The following CTC1 variants were observed in gnomAD, a reference collection of about 807,000 sequenced individuals.
CTC1 encodes the protein CST telomere replication complex component 1.
Under a neutral mutation model 136.3 loss-of-function variants are expected in CTC1, and 91 were observed. The observed-to-expected ratio is 0.67, with a 90% CI of 0.56 to 0.79. The LOEUF (loss-of-function observed/expected upper bound fraction) is 0.79. Ranked by LOEUF, CTC1 falls within the 30% of genes least tolerant of loss-of-function variation. The probability of loss-of-function intolerance (pLI) is 0.00; values close to 1 mark genes in which losing one functional copy is unlikely to be tolerated. For synonymous variants in CTC1, 606 were observed against 613.8 expected, an observed-to-expected ratio of 0.99 and a Z score of 0.19; for missense variants, 1,432 against 1,498.1, an observed-to-expected ratio of 0.96 and a Z score of 0.73.
rs903009495 is a variant in CTC1, at chr17:8,237,404, C to A, written c.763G>T (p.Ala255Ser). Residue 255 changes from alanine to serine, a missense_variant, in exon 5 of 23, where the codon GCT (alanine) becomes TCT (serine). By Grantham distance (99) the Ala-to-Ser change is moderately conservative. Transcript: ENST00000651323. ...ACGATGATGGACACGTGGGTGACAG[C>A]TGGGTGTGATCTACCAAGAGACAGG... ...FILSLGRSHP[A>S]VTHVSIIVQV... is the part of the protein sequence containing the mutation. 6.2e-7 allele frequency: 1 copy of A among 1,613,968 alleles called. No homozygotes were observed. The highest frequency in any genetic ancestry group is 2.2e-5 in the East Asian group (1 of 44,890).
intron 3 of CTC1, 60 bp from the exon 4 acceptor site, chr17:8,238,302 C>CCG (rs753789004): frequency 3.5e-5 from 55 of 1,560,588 alleles, no homozygotes; most frequent in Non-Finnish European, 4.3e-5. Context: ...ACCCACCTCC[C>CCG]CGTTTGTTTC....
rs1987824590 is a variant in CTC1 at position 8,237,422 on chromosome 17, G to C, written c.745C>G (p.Leu249Val). 1.9e-6 allele frequency: 3 copies of C among 1,614,016 alleles called. No individual in the cohort carries two copies. The highest frequency in any genetic ancestry group is 2.5e-6 in the Non-Finnish European group (3 of 1,180,004). Reference sequence around the variant, plus strand: ...GTGACAGCTGGGTGTGATCTACCAAGAGACAGGATGAAGTAAGCTTTCTGT... The same window carrying C: ...GTGACAGCTGGGTGTGATCTACCAACAGACAGGATGAAGTAAGCTTTCTGT... ...SKQKAYFILS[L>V]GRSHPAVTHV... Residue 249 changes from leucine (L) to valine (V), a missense_variant, in exon 5 of 23, where the codon CTT (leucine) becomes GTT (valine). By Grantham distance (32) the Leu-to-Val change is conservative (BLOSUM62 1). Transcript: ENST00000651323.
In CTC1 at chr17:8,234,413, C is replaced by T. The variant is rs755059629; in HGVS notation, c.1818+42G>A. ...ACTAGAGTCGTGGCAATAAGGATGA[C>T]AAAAAGGGAAATCACCTGAGCCCTG... On this transcript the variant is annotated intron_variant, in intron 10 of 22. Transcript: ENST00000651323. The T allele has an allele frequency of 3.9e-6, 6 of 1,533,682 alleles. No homozygotes were observed. In the South Asian group the frequency reaches 4.8e-5, roughly 12 times the overall value.
rs1987589226 is a variant in CTC1, at chr17:8,235,092, T to C, written c.1400A>G (p.Tyr467Cys). 3.7e-6 allele frequency: 6 copies of C among 1,614,076 alleles called. No homozygotes were observed. The East Asian group carries it at 1.3e-4, about 36-fold the overall frequency. ...VWERQLGLPL[Y>C]LWATKALEEL... ...CTCCAGGGCCTTGGTAGCCCACAGG[T>C]AGAGGGGAAGTCCTAACTGACGTTC... The change falls in exon 8 of 23, where the codon TAC becomes TGC. Residue 467 changes from tyrosine to cysteine, a missense_variant. Transcript: ENST00000651323.
intron 10 of CTC1, among the ~76,000 whole-genome samples, chr17:8,234,119 C>T (rs1365866184): frequency 1.3e-5 from 2 of 152,102 alleles, no homozygotes; most frequent in Non-Finnish European, 1.5e-5. Context: ...GTAGCTGGGA[C>T]CATAGGCACA....
chr17:8,232,260 T>C lies in CTC1; in HGVS notation c.2061-33A>G, dbSNP rs756384532. ...GAGAGACAAGGAATACATTTCTTAG[T>C]GATGCAGGCATTGGGTATTTTGGTC... On this transcript the variant is annotated intron_variant, in intron 12 of 22. Coordinates refer to ENST00000651323, the MANE Select transcript of CTC1 (RefSeq NM_025099.6). The C allele has an allele frequency of 2.6e-6, 4 of 1,541,910 alleles. No homozygotes were observed. In the South Asian group the frequency reaches 3.8e-5, roughly 15 times the overall value.
chr17:8,242,867 T>G (rs2151545448), intron 2 of CTC1, 118 bp downstream of exon 2: 1 of 851,806 alleles, frequency 1.2e-6, no homozygotes, highest in East Asian at 2.9e-5. Flanking sequence ...ATGTTTAGAC[T>G]ACCTTGTCCT....
chr17:8,228,768 T>C lies in CTC1; in HGVS notation c.3346A>G (p.Arg1116Gly). The C allele has an allele frequency of 6.2e-7, 1 of 1,614,158 alleles. No homozygotes were observed. The highest frequency in any genetic ancestry group is 1.1e-5 in the South Asian group (1 of 91,084). ...SLLDFVQVPG[R>G]VVLQFAGPGA... ...GGCCCTGCAAACTGCAAGACCACTC[T>C]GCCTGGCACTTGGACGAAATCTAGG... is the stretch of plus-strand genomic sequence containing the variant. The change falls in exon 21 of 23, where the codon AGA (arginine) becomes GGA (glycine). Residue 1116 changes from arginine to glycine, a missense_variant. Physicochemically the swap from Arg to Gly is moderately radical, Grantham distance 125. Transcript: ENST00000651323.
In CTC1 at chr17:8,229,407, C is replaced by G; in HGVS notation, c.3051G>C (p.Gln1017His). ...TGGCCTGGAATGGGGACTGACCACC[C>G]TGCAGAAGTTCAGCCAGGTAGATGT... ...LPHIYLAELL[Q>H]GGQSPFQATA... The change falls in exon 19 of 23, where the codon CAG becomes CAC. Residue 1017 changes from glutamine to histidine, a missense_variant. Coordinates refer to ENST00000651323, the MANE Select transcript of CTC1 (RefSeq NM_025099.6). 6.2e-7 allele frequency: 1 copy of G among 1,613,950 alleles called. No homozygotes were observed. Among genetic ancestry groups the G allele is most frequent in the Non-Finnish European group, 8.5e-7 (1 of 1,179,846 alleles).
At position 8,226,045 on chromosome 17, in the gene CTC1, T is replaced by C. The variant is rs1056714829; in HGVS notation, c.*2135A>G. 9 of 152,152 alleles carry C rather than the reference T, an allele frequency of 5.9e-5. No individual in the cohort carries two copies. The highest frequency in any genetic ancestry group is 2.2e-4 in the African/African-American group (9 of 41,416). The allele number at this position is 152,152 out of a possible 1,614,324, so 9.4% of individuals were successfully genotyped here. A position where few individuals can be genotyped will look rare whatever the true frequency, so the allele number is the denominator to read the frequency against. On this transcript the variant is annotated 3_prime_UTR_variant, in exon 23 of 23. Transcript: ENST00000651323. ...GTTAAGCAAAGGACCCTTAGGCCTA[T>C]GCAACATTTCTGCCCCTAAGTTAGA...
chr17:8,230,182 T>C (rs538733060), intron 17 of CTC1, 112 bp downstream of exon 17: 8 of 1,178,874 alleles, frequency 6.8e-6, no homozygotes, highest in African/African-American at 4.6e-5. Context: ...GACTGATATA[T>C]GGAAACCTGT....
rs1987713996 is a variant in CTC1 at position 8,236,237 on chromosome 17, T to G, written c.898A>C (p.Met300Leu). ...AACAGACGGGAGGACTGACTGGTCA[T>G]CCAAACATGCTGGCGCTGACCACGG... is the stretch of plus-strand genomic sequence containing the variant. Reference protein sequence around the residue: ...KIRGQRQHVWMTSQSSRLLLL... With the variant: ...KIRGQRQHVWLTSQSSRLLLL... Residue 300 changes from methionine (M) to leucine (L), a missense_variant, in exon 6 of 23, where the codon ATG becomes CTG. Coordinates refer to ENST00000651323, the MANE Select transcript of CTC1 (RefSeq NM_025099.6). 20 of 1,614,160 alleles carry G rather than the reference T, an allele frequency of 1.2e-5. No individual in the cohort carries two copies. Among genetic ancestry groups the G allele is most frequent in the Non-Finnish European group, 1.7e-5 (20 of 1,180,024 alleles).
chr17:8,230,472 T>G lies in CTC1; in HGVS notation c.2759-4A>C, dbSNP rs374727205. ...CTTCTCATGGCCCCCGTGTTCCCTA[T>G]AGAAGGAAGGTGGGTGTTAGTAGGA... On this transcript the variant is annotated splice_polypyrimidine_tract_variant and splice_region_variant and intron_variant, in intron 16 of 22. Transcript: ENST00000651323. The G allele has an allele frequency of 6.8e-6, 11 of 1,613,690 alleles. No individual in the cohort carries two copies. The African/African-American group carries it at 1.2e-4, about 18-fold the overall frequency.
chr17:8,234,137 G>A (rs975012447), intron 10 of CTC1, among the ~76,000 whole-genome samples: 3 of 152,070 alleles, frequency 2.0e-5, no homozygotes, highest in East Asian at 1.9e-4. Context: ...ACATGCCACC[G>A]CACCTAATTA....
rs761189766 is a variant in CTC1, at chr17:8,238,632, G to A, written c.198-3C>T. Reference sequence around the variant, plus strand: ...TGAGGTCCTGTACTGAGACGAAGCTGTAGAGTGAAGGGAACAGAGGTCCTG... The same window carrying A: ...TGAGGTCCTGTACTGAGACGAAGCTATAGAGTGAAGGGAACAGAGGTCCTG... On this transcript the variant is annotated splice_polypyrimidine_tract_variant and splice_region_variant and intron_variant, in intron 2 of 22. Transcript: ENST00000651323. 63 of 1,585,254 alleles carry A rather than the reference G, an allele frequency of 4.0e-5. No homozygotes were observed. Among genetic ancestry groups the A allele is most frequent in the Admixed American group, 3.5e-5 (2 of 57,326 alleles).
chr17:8,246,863 G>A (rs555929425), intron 1 of CTC1, among the ~76,000 whole-genome samples: 116 of 151,762 alleles, frequency 7.6e-4, no homozygotes, highest in African/African-American at 2.6e-3. Context: ...CCGAGATCGC[G>A]TCACTGCACT....
In CTC1 at chr17:8,230,618, C is replaced by A; in HGVS notation, c.2703G>T (p.Glu901Asp). The A allele has an allele frequency of 6.2e-7, 1 of 1,614,188 alleles. No homozygotes were observed. The highest frequency in any genetic ancestry group is 1.3e-5 in the African/African-American group (1 of 75,032). ...GTTCACATAGTGTCCGTGACAAAAT[C>A]TCAGCGGAGAAAGACACCAAGGAAT... ...FTDSLVSFSAEILSRTLCEPL... is the reference protein window; with the variant it reads ...FTDSLVSFSADILSRTLCEPL... The change falls in exon 16 of 23, where the codon GAG (glutamate) becomes GAT (aspartate). Residue 901 changes from glutamate (E) to aspartate (D), a missense_variant. Transcript: ENST00000651323.
chr17:8,235,987 C>A (rs1987683080), intron 6 of CTC1, 28 bp from the exon 7 acceptor site: 4 of 1,600,106 alleles, frequency 2.5e-6, no homozygotes, highest in Non-Finnish European at 3.4e-6. Context: ...TCCAGTTGAC[C>A]ACTATTTTCT....
intron 15 of CTC1, 70 bp downstream of exon 15, chr17:8,231,206 C>A: frequency 7.7e-7 from 1 of 1,297,450 alleles, no homozygotes; most frequent in Admixed American, 2.5e-5. Flanking sequence ...ATGAAGTCTT[C>A]ACCAAACCCA....
Sources: gnomAD v4.1 joint callset for allele counts (sites outside exome capture counted in the v4.1 genomes callset) on GRCh38, gnomAD v4.1.1 for gene constraint, MANE v1.5 for transcripts, NCBI Gene and HGNC (gene_info 2026-07-23, HGNC 2026-07-21) for gene names.